The following NCKAP5 variants were observed in gnomAD, a reference collection of about 807,000 sequenced individuals.
NCKAP5 encodes NCK associated protein 5, also known as nck-associated protein 5.
A neutral mutation model predicts 167.0 loss-of-function variants in NCKAP5; 92 were observed. That is an observed-to-expected ratio of 0.55 (90% confidence interval 0.47 to 0.66). NCKAP5 has a LOEUF of 0.66. Among genes scored for constraint, NCKAP5 ranks in the 30% least tolerant of loss-of-function variants. NCKAP5 has a pLI of 0.00. For synonymous variants in NCKAP5, 891 were observed against 877.4 expected, an observed-to-expected ratio of 1.02 and a Z score of -0.27; for missense variants, 2,378 against 2,315.0, an observed-to-expected ratio of 1.03 and a Z score of -0.56.
chr2:133,266,600 G>A (rs536909849), intron 4 of NCKAP5, among the ~76,000 whole-genome samples: 1 of 152,234 alleles, frequency 6.6e-6, no homozygotes, highest in Non-Finnish European at 1.5e-5. Flanking sequence ...CCTTCACTTC[G>A]GGGGCAGCAA....
At chr2:132,863,124 T>C (rs1042225381) in intron 10 of NCKAP5, among the ~76,000 whole-genome samples, 1 of 152,166 alleles carries the variant, frequency 6.6e-6, no homozygotes, top group Non-Finnish European at 1.5e-5. Flanking sequence ...CCGGCAAAAC[T>C]TGCTTTCTTT....
At chr2:133,367,299 C>T (rs1344748260) in intron 3 of NCKAP5, among the ~76,000 whole-genome samples, 1 of 152,134 alleles carries the variant, frequency 6.6e-6, no homozygotes, top group East Asian at 1.9e-4. Flanking sequence ...CGGAGGTGAC[C>T]TTGGGGTGGG....
intron 3 of NCKAP5, among the ~76,000 whole-genome samples, chr2:133,394,408 C>T (rs1687611266): frequency 6.6e-6 from 1 of 152,112 alleles, no homozygotes; most frequent in South Asian, 2.1e-4. Context: ...CTATCCAAGA[C>T]AAGAGCTAAG....
At chr2:132,979,826 A>G (rs1035534062) in intron 7 of NCKAP5, among the ~76,000 whole-genome samples, 2 of 152,142 alleles carry the variant, frequency 1.3e-5, no homozygotes, top group Non-Finnish European at 2.9e-5. Context: ...CATGTCTCCT[A>G]TGCAGAATGC....
Position 133,311,833 on chromosome 2 carries a change from T to C in NCKAP5, c.70-8723A>G, listed in dbSNP as rs200108154. Among the ~76,000 whole-genome samples, 4 of 152,308 alleles carry C rather than the reference T, an allele frequency of 2.6e-5. No individual in the cohort carries two copies. The East Asian group carries it at 7.7e-4, about 29-fold the overall frequency. ...GTTTTAGGAGTTCTGTGCCAGAAACTGGGAAGCAGAGACCGAATATATATA... is the reference window on the plus strand; with the variant it reads ...GTTTTAGGAGTTCTGTGCCAGAAACCGGGAAGCAGAGACCGAATATATATA... On this transcript the variant is annotated intron_variant, in intron 3 of 19. Transcript: ENST00000409261.
At chr2:133,115,581 A>T (rs2082044715) in intron 6 of NCKAP5, among the ~76,000 whole-genome samples, 1 of 151,852 alleles carries the variant, frequency 6.6e-6, no homozygotes, top group Non-Finnish European at 1.5e-5. Context: ...AACAAGGTTT[A>T]TTAAGAGAAA....
intron 19 of NCKAP5, among the ~76,000 whole-genome samples, chr2:132,710,285 C>T (rs907339146): frequency 2.0e-5 from 3 of 152,160 alleles, no homozygotes; most frequent in East Asian, 1.9e-4. Flanking sequence ...TTACAACAAA[C>T]GTCATCATCC....
At chr2:132,870,242 T>C (rs908061556) in intron 9 of NCKAP5, among the ~76,000 whole-genome samples, 19 of 152,210 alleles carry the variant, frequency 1.2e-4, no homozygotes, top group Non-Finnish European at 2.2e-4. Context: ...TATTTCAAAA[T>C]ACTTTGCATA....
intron 4 of NCKAP5, among the ~76,000 whole-genome samples, chr2:133,255,360 T>C (rs1290026181): frequency 1.3e-5 from 2 of 152,222 alleles, no homozygotes; most frequent in Non-Finnish European, 2.9e-5. Context: ...GAAAGATAAC[T>C]ATTTAATACA....
intron 6 of NCKAP5, among the ~76,000 whole-genome samples, chr2:133,028,394 T>C (rs1430233230): frequency 6.6e-6 from 1 of 152,182 alleles, no homozygotes; most frequent in Non-Finnish European, 1.5e-5. Flanking sequence ...ACTATAACTA[T>C]CAATGCTGAG....
Position 133,468,820 on chromosome 2 carries a change from G to C in NCKAP5, c.69+48638C>G, listed in dbSNP as rs191011840. On this transcript the variant is annotated intron_variant, in intron 3 of 19. Transcript: ENST00000409261. The stretch of plus-strand genomic sequence containing the variant: ...GGTTTAAAGTCTGTTTTATCAGAGA[G>C]TAGGTTTGCAACCCCTGCCTTTTTT... Among the ~76,000 whole-genome samples, 301 of 152,180 alleles carry C rather than the reference G, an allele frequency of 2.0e-3. 4 individuals are homozygous for C. Among genetic ancestry groups the C allele is most frequent in the African/African-American group, 6.3e-3 (260 of 41,530 alleles).
chr2:133,583,423 AT>A, the NCKAP5 span, among the ~76,000 whole-genome samples: 1 of 152,068 alleles, frequency 6.6e-6, no homozygotes, highest in Non-Finnish European at 1.5e-5. Context: ...TGTTGCCTTG[AT>A]TGGAAGCTTC....
At chr2:132,848,589 A>AT (rs1688844966) in intron 11 of NCKAP5, among the ~76,000 whole-genome samples, 1 of 152,214 alleles carries the variant, frequency 6.6e-6, no homozygotes, top group Non-Finnish European at 1.5e-5. Flanking sequence ...TCTATTATAA[A>AT]ATATGATTTT....
At chr2:133,571,019 A>G (rs1688846991), upstream of NCKAP5, among the ~76,000 whole-genome samples, 2 of 152,208 alleles carry the variant, frequency 1.3e-5, no homozygotes, top group African/African-American at 4.8e-5. Context: ...GGGGGAAAAA[A>G]AAGTCCAAGA....
chr2:133,382,769 G>A (rs1686617713), intron 3 of NCKAP5, among the ~76,000 whole-genome samples: 1 of 152,130 alleles, frequency 6.6e-6, no homozygotes, highest in Non-Finnish European at 1.5e-5. Flanking sequence ...ATTCATTGGG[G>A]CATTATATGA....
chr2:133,340,021 T>A (rs1683465850), intron 3 of NCKAP5, among the ~76,000 whole-genome samples: 1 of 152,208 alleles, frequency 6.6e-6, no homozygotes, highest in African/African-American at 2.4e-5. Context: ...AAACTTCCAC[T>A]CTTGTGCCCT....
In NCKAP5 at chr2:132,792,569, TG is replaced by T. The variant is rs552795117; in HGVS notation, c.910-2365del. Among the ~76,000 whole-genome samples, 3 of 152,318 alleles carry T rather than the reference TG, an allele frequency of 2.0e-5. No homozygotes were observed. In the South Asian group the frequency reaches 6.2e-4, roughly 32 times the overall value. On this transcript the variant is annotated intron_variant, in intron 12 of 19. Transcript: ENST00000409261. ...CATATTTTGTTGTTTAAATACGCAG[TG>T]TGGTGGTTGTTATTTAGGACTGCCT...
chr2:133,213,062 C>T (rs746636790), intron 5 of NCKAP5, among the ~76,000 whole-genome samples: 1 of 152,146 alleles, frequency 6.6e-6, no homozygotes, highest in African/African-American at 2.4e-5. Context: ...GAAGTAGCAA[C>T]AGCAGTTACT....
At chr2:133,034,769 T>A (rs2078988962) in intron 6 of NCKAP5, among the ~76,000 whole-genome samples, 1 of 151,788 alleles carries the variant, frequency 6.6e-6, no homozygotes, top group African/African-American at 2.4e-5. Flanking sequence ...ATACAATGAA[T>A]ACACAAAAAC....
Sources: allele counts gnomAD v4.1 joint callset (sites outside exome capture counted in the v4.1 genomes callset), GRCh38; gene constraint gnomAD v4.1.1; transcripts MANE v1.5; gene names NCBI Gene and HGNC (gene_info 2026-07-23, HGNC 2026-07-21).